Variants in RPS6KA2 observed in about 807,000 individuals in gnomAD.
RPS6KA2 encodes ribosomal protein S6 kinase alpha-2.
Under a neutral mutation model 91.8 loss-of-function variants are expected in RPS6KA2, and 42 were observed. That is an observed-to-expected ratio of 0.46 (90% confidence interval 0.36 to 0.59). RPS6KA2 has a LOEUF of 0.59. RPS6KA2 is among the 20% of genes least tolerant of loss of function. RPS6KA2 has a pLI of 0.00. For synonymous variants in RPS6KA2, 414 were observed against 393.6 expected, an observed-to-expected ratio of 1.05 and a Z score of -0.61; for missense variants, 798 against 978.5, an observed-to-expected ratio of 0.82 and a Z score of 2.46.
intron 3 of RPS6KA2, among the ~76,000 whole-genome samples, chr6:166,514,850 C>G (rs1782588582): frequency 6.6e-6 from 1 of 152,188 alleles, no homozygotes; most frequent in African/African-American, 2.4e-5. Context: ...TCCTAGCCCT[C>G]TGCCTGGGCG....
chr6:166,547,608 C>G (rs980633765), intron 1 of RPS6KA2, among the ~76,000 whole-genome samples: 1 of 152,256 alleles, frequency 6.6e-6, no homozygotes, highest in Admixed American at 6.5e-5. Context: ...TCAGAAGAGG[C>G]CATTCCGGCA....
At chr6:166,461,307 A>G (rs573409806) in intron 11 of RPS6KA2, among the ~76,000 whole-genome samples, 1 of 152,206 alleles carries the variant, frequency 6.6e-6, no homozygotes, top group South Asian at 2.1e-4. Context: ...ACAGGTGGGA[A>G]TAATCTCCCC....
chr6:166,487,221 A>T (rs1030004638), intron 10 of RPS6KA2, among the ~76,000 whole-genome samples: 1 of 152,138 alleles, frequency 6.6e-6, no homozygotes, highest in Admixed American at 6.5e-5. Flanking sequence ...TGTTGCAGGG[A>T]TTTACTCTCC....
At chr6:166,717,011 G>C (rs530388363) in intron 2 of RPS6KA2, among the ~76,000 whole-genome samples, 29 of 152,364 alleles carry the variant, frequency 1.9e-4, no homozygotes, top group Admixed American at 1.7e-3. Context: ...GGAGGATCCG[G>C]AGCCAGAAGG....
intron 2 of RPS6KA2, among the ~76,000 whole-genome samples, chr6:166,641,753 A>AAAAAAAAAAAAAAAAAAC: frequency 7.0e-6 from 1 of 142,504 alleles, no homozygotes; most frequent in Non-Finnish European, 1.5e-5. Context: ...AAAAAAAAAA[A>AAAAAAAAAAAAAAAAAAC]AAAAAAAAAA....
At chr6:166,794,064 A>G (rs200478808) in intron 2 of RPS6KA2, among the ~76,000 whole-genome samples, 40,353 of 127,324 alleles carry the variant, frequency 0.32, 7,624 homozygotes, top group East Asian at 0.49. Flanking sequence ...AGAGTGAACA[A>G]GCAACCTACA....
chr6:166,659,403 G>T (rs1318436593), intron 2 of RPS6KA2, among the ~76,000 whole-genome samples: 2 of 152,184 alleles, frequency 1.3e-5, no homozygotes, highest in Non-Finnish European at 2.9e-5. Context: ...GGGAGAGGGG[G>T]CCATCCTCAG....
At chr6:166,697,836 G>A (rs1271463048) in intron 2 of RPS6KA2, among the ~76,000 whole-genome samples, 4 of 152,304 alleles carry the variant, frequency 2.6e-5, no homozygotes, top group South Asian at 4.1e-4. Flanking sequence ...CCGTTCCCTC[G>A]ACTGGAACAG....
At chr6:166,608,198 T>C (rs1223425883) in intron 1 of RPS6KA2, among the ~76,000 whole-genome samples, 1 of 152,156 alleles carries the variant, frequency 6.6e-6, no homozygotes, top group Non-Finnish European at 1.5e-5. Context: ...GATAAGTAAT[T>C]TCCTCAGGAT....
intron 2 of RPS6KA2, among the ~76,000 whole-genome samples, chr6:166,768,208 C>A (rs1195759001): frequency 3.3e-5 from 5 of 152,224 alleles, no homozygotes; most frequent in African/African-American, 1.2e-4. Context: ...CAAGCTCCCC[C>A]CGTTCTGGTT....
At chr6:166,851,052 A>G (rs1445652734) in intron 2 of RPS6KA2, among the ~76,000 whole-genome samples, 1 of 152,240 alleles carries the variant, frequency 6.6e-6, no homozygotes. Flanking sequence ...GTTCTCTGCT[A>G]TACTTAGCAA....
chr6:166,757,405 A>G, intron 2 of RPS6KA2: 1 of 420,216 alleles, frequency 2.4e-6, no homozygotes, highest in South Asian at 1.7e-5. Flanking sequence ...GTGAGATTCC[A>G]CTCCGCCCAG....
intron 2 of RPS6KA2, among the ~76,000 whole-genome samples, chr6:166,839,705 GA>G (rs1256774221): frequency 4.6e-5 from 6 of 129,272 alleles, no homozygotes; most frequent in Admixed American, 7.6e-5. Context: ...GAGGAGAGGA[GA>G]GGAGAGGAGA....
intron 3 of RPS6KA2, among the ~76,000 whole-genome samples, chr6:166,513,466 A>G (rs1782538982): frequency 6.6e-6 from 1 of 152,214 alleles, no homozygotes; most frequent in Non-Finnish European, 1.5e-5. Context: ...GGGAGCATGC[A>G]ATTCAACCCC....
chr6:166,742,107 T>A (rs573759116), intron 2 of RPS6KA2, among the ~76,000 whole-genome samples: 1 of 152,186 alleles, frequency 6.6e-6, no homozygotes, highest in South Asian at 2.1e-4. Context: ...CACTCCAGCC[T>A]GGGTAACAGA....
chr6:166,548,724 CA>C (rs1380851392), intron 1 of RPS6KA2, among the ~76,000 whole-genome samples: 1 of 152,122 alleles, frequency 6.6e-6, no homozygotes, highest in Non-Finnish European at 1.5e-5. Flanking sequence ...ACATAAACTA[CA>C]AAACTTCTAG....
chr6:166,470,718 G>A (rs775482352), intron 10 of RPS6KA2, among the ~76,000 whole-genome samples: 43 of 152,190 alleles, frequency 2.8e-4, no homozygotes, highest in Non-Finnish European at 5.7e-4. Context: ...CTCACCGACT[G>A]CAGAAGCGTG....
At chr6:166,779,266 A>G (rs1778705882) in intron 2 of RPS6KA2, among the ~76,000 whole-genome samples, 1 of 152,200 alleles carries the variant, frequency 6.6e-6, no homozygotes, top group African/African-American at 2.4e-5. Context: ...TATCCTAAGG[A>G]GTTGTTTTTA....
chr6:166,550,026 A>T (rs1055291115), intron 1 of RPS6KA2, among the ~76,000 whole-genome samples: 2 of 152,214 alleles, frequency 1.3e-5, no homozygotes, highest in Non-Finnish European at 2.9e-5. Flanking sequence ...TTGTTATAAG[A>T]TTTAAAGAAA....
Sources: allele counts gnomAD v4.1 joint callset (sites outside exome capture counted in the v4.1 genomes callset), GRCh38; gene constraint gnomAD v4.1.1; transcripts MANE v1.5; gene names NCBI Gene and HGNC (gene_info 2026-07-23, HGNC 2026-07-21).